The following TET3 variants were observed in gnomAD, a reference collection of about 807,000 sequenced individuals.
TET3 encodes the protein tet methylcytosine dioxygenase 3.
In TET3, 19 loss-of-function variants were observed where a neutral mutation model predicts 141.4. The observed-to-expected ratio is 0.13, with a 90% CI of 0.09 to 0.20. The LOEUF (loss-of-function observed/expected upper bound fraction) is 0.20. Ranked by LOEUF, TET3 falls within the 10% of genes least tolerant of loss-of-function variation. The probability of loss-of-function intolerance (pLI) is 1.00; values close to 1 mark genes in which losing one functional copy is unlikely to be tolerated. For missense variants in TET3, 1,874 were observed against 2,356.9 expected, an observed-to-expected ratio of 0.80 and a Z score of 4.24; for synonymous variants, 1,043 against 980.9, an observed-to-expected ratio of 1.06 and a Z score of -1.18.
At chr2:74,077,473 A>G (rs938047370) in intron 5 of TET3, among the ~76,000 whole-genome samples, 2 of 152,244 alleles carry the variant, frequency 1.3e-5, no homozygotes, top group Non-Finnish European at 2.9e-5. Context: ...CAGGCTATCT[A>G]TGCAGACTTA....
chr2:74,025,324 T>C (rs1258769892), intron 3 of TET3, among the ~76,000 whole-genome samples: 3 of 150,282 alleles, frequency 2.0e-5, no homozygotes, highest in Non-Finnish European at 3.0e-5. Context: ...AGTCTCGCTC[T>C]GTTGCCCAGG....
At chr2:74,124,058 C>A in the TET3 span, among the ~76,000 whole-genome samples, 2 of 151,720 alleles carry the variant, frequency 1.3e-5, no homozygotes, top group South Asian at 2.1e-4. Flanking sequence ...AGCCCCTCCG[C>A]CCGGCAGCCG....
chr2:73,990,719 G>A (rs1684279626), intron 2 of TET3, among the ~76,000 whole-genome samples: 1 of 152,168 alleles, frequency 6.6e-6, no homozygotes, highest in Non-Finnish European at 1.5e-5. Flanking sequence ...TCTTGAAACA[G>A]ATCTCTGCCA....
intron 2 of TET3, among the ~76,000 whole-genome samples, chr2:73,988,914 CTT>C (rs58533695): frequency 0.11 from 13,277 of 122,060 alleles, 1,576 homozygotes; most frequent in African/African-American, 0.3. Flanking sequence ...GAAATTAGAC[CTT>C]TTTTTTTTTT....
At position 74,093,725 on chromosome 2, in the gene TET3, G is replaced by T; in HGVS notation, c.3267+59G>T. 1 of 1,475,206 alleles carries T rather than the reference G, an allele frequency of 6.8e-7. No homozygotes were observed. 91.4% of individuals were successfully genotyped at this position (1,475,206 alleles called of 1,614,324 possible). A position where few individuals can be genotyped will look rare whatever the true frequency, so the allele number is the denominator to read the frequency against. ...GGGCAACTGTGGGAGGGAGTCCACC[G>T]TGGTCTTTTCAGAAAGGCAGGCTGA... On this transcript the variant is annotated intron_variant, in intron 10 of 11. Transcript: ENST00000409262. The surrounding 1 kb of genome is among the most constrained non-coding windows in gnomAD (Gnocchi z 4.2).
At chr2:74,085,705 C>G (rs1398280476) in intron 6 of TET3, among the ~76,000 whole-genome samples, 1 of 152,238 alleles carries the variant, frequency 6.6e-6, no homozygotes. Flanking sequence ...AACGCCCGCT[C>G]GCCTGCTGCT....
intron 3 of TET3, among the ~76,000 whole-genome samples, chr2:74,044,454 T>C (rs1275192941): frequency 1.3e-5 from 2 of 152,238 alleles, no homozygotes; most frequent in African/African-American, 2.4e-5. Flanking sequence ...CCTCAACTTA[T>C]GACTGAGTTA....
At chr2:74,095,329 A>G (rs1295700165) in intron 10 of TET3, among the ~76,000 whole-genome samples, 7 of 152,184 alleles carry the variant, frequency 4.6e-5, no homozygotes, top group African/African-American at 1.7e-4. Context: ...GCATGCCCAC[A>G]GTGTTAGAGA....
intron 2 of TET3, among the ~76,000 whole-genome samples, chr2:74,000,158 G>A (rs754145229): frequency 6.6e-6 from 1 of 152,154 alleles, no homozygotes; most frequent in Non-Finnish European, 1.5e-5. Context: ...GGCAGGTCCT[G>A]CCCTCCCAGG....
At chr2:74,124,380 C>G in the TET3 span, among the ~76,000 whole-genome samples, 1 of 151,668 alleles carries the variant, frequency 6.6e-6, no homozygotes, top group African/African-American at 2.4e-5. Context: ...CGGCCACTGC[C>G]CCGTCTGGGA....
chr2:74,018,573 TC>T (rs1685858378), intron 3 of TET3, among the ~76,000 whole-genome samples: 1 of 152,240 alleles, frequency 6.6e-6, no homozygotes, highest in East Asian at 1.9e-4. Context: ...ATTTGTAGTT[TC>T]CCTTGTAGTG....
intron 3 of TET3, among the ~76,000 whole-genome samples, chr2:74,013,653 C>CA (rs1181835522): frequency 1.3e-4 from 19 of 150,810 alleles, no homozygotes; most frequent in Admixed American, 3.3e-4. Context: ...ACTGAAAATA[C>CA]AAAAAAAAAT....
chr2:74,047,163 T>C lies in TET3; in HGVS notation c.1246T>C (p.Ser416Pro). Residue 416 changes from serine to proline, a missense_variant, in exon 4 of 12, where the codon TCT (serine) becomes CCT (proline). This residue lies in a region of TET3 where 484 missense variants were observed against 462.2 expected (regional missense o/e 1.05). Coordinates refer to ENST00000409262, the MANE Select transcript of TET3 (RefSeq NM_001287491.2). ...TGTGGTTCCTCCTGAAGAGCACTCA[T>C]CTTTTGCTCCTGATAGCTCTGCCTT... ...WPVVPPEEHS[S>P]FAPDSSAFPP... 6.2e-7 allele frequency: 1 copy of C among 1,613,958 alleles called. No homozygotes were observed. The highest frequency in any genetic ancestry group is 8.5e-7 in the Non-Finnish European group (1 of 1,179,888).
At chr2:74,000,924 T>C (rs966186856) in intron 2 of TET3, among the ~76,000 whole-genome samples, 4 of 152,120 alleles carry the variant, frequency 2.6e-5, no homozygotes, top group Admixed American at 1.3e-4. Flanking sequence ...GTACTAGTTG[T>C]TCCTTTCCAA....
chr2:74,023,783 G>A (rs959152969), intron 3 of TET3, among the ~76,000 whole-genome samples: 6 of 152,168 alleles, frequency 3.9e-5, no homozygotes, highest in Non-Finnish European at 8.8e-5. Flanking sequence ...TTTCACAGAT[G>A]GTGGTTATAT....
intron 3 of TET3, among the ~76,000 whole-genome samples, chr2:74,006,953 A>T (rs1685183016): frequency 1.3e-5 from 2 of 152,128 alleles, no homozygotes; most frequent in African/African-American, 4.8e-5. Context: ...ATTCTCTAGG[A>T]CTATTACCCC....
At chr2:74,016,139 A>G (rs921363692) in intron 3 of TET3, among the ~76,000 whole-genome samples, 2 of 152,122 alleles carry the variant, frequency 1.3e-5, no homozygotes, top group Non-Finnish European at 2.9e-5. Context: ...AGGCCAAGGC[A>G]GGAGAATTGC....
Position 74,047,940 on chromosome 2 carries a change from A to T in TET3, c.2023A>T (p.Ser675Cys), listed in dbSNP as rs1687735227. The change falls in exon 4 of 12, where the codon AGC (serine) becomes TGC (cysteine). Residue 675 changes from serine to cysteine, a missense_variant. By Grantham distance (112) the Ser-to-Cys change is moderately radical. Coordinates refer to ENST00000409262, the MANE Select transcript of TET3 (RefSeq NM_001287491.2). ...ATTTGCACCTAGTCCCTCCAGGGAC[A>T]GCCTGCTGCCCCCTACTCAGGAAAT... ...ALFAPSPSRD[S>C]LLPPTQEMRS... is the part of the protein sequence containing the mutation. 1 of 1,613,504 alleles carries T rather than the reference A, an allele frequency of 6.2e-7. No homozygotes were observed. Among genetic ancestry groups the T allele is most frequent in the South Asian group, 1.1e-5 (1 of 91,064 alleles).
chr2:74,043,637 G>A (rs1032824307), intron 3 of TET3, among the ~76,000 whole-genome samples: 4 of 152,324 alleles, frequency 2.6e-5, no homozygotes, highest in Middle Eastern at 3.4e-3. Context: ...AATGAGAACT[G>A]CGTGTACAAA....
Sources: gnomAD v4.1 joint callset for allele counts (sites outside exome capture counted in the v4.1 genomes callset) on GRCh38, gnomAD v4.1.1 for gene constraint, gnomAD v4.1.1 regional missense constraint, Gnocchi (gnomAD v3.1) non-coding constraint, MANE v1.5 for transcripts, NCBI Gene and HGNC (gene_info 2026-07-23, HGNC 2026-07-21) for gene names.